The following RARB variants were observed in gnomAD, a reference collection of about 807,000 sequenced individuals.
RARB encodes retinoic acid receptor beta.
Under a neutral mutation model 51.9 loss-of-function variants are expected in RARB, and 17 were observed. The observed-to-expected ratio is 0.33, with a 90% CI of 0.22 to 0.49. RARB has a LOEUF of 0.49. Ranked by LOEUF, RARB falls within the 20% of genes least tolerant of loss-of-function variation. The pLI is 0.99. For missense variants in RARB, 369 were observed against 550.8 expected, an observed-to-expected ratio of 0.67 and a Z score of 3.30; for synonymous variants, 215 against 195.4, an observed-to-expected ratio of 1.10 and a Z score of -0.84.
intron 5 of RARB, among the ~76,000 whole-genome samples, chr3:25,359,618 A>G (rs1445108799): frequency 6.6e-6 from 1 of 152,196 alleles, no homozygotes; most frequent in Non-Finnish European, 1.5e-5. Flanking sequence ...ATTTAGTGCT[A>G]TAAATTTCCC....
At chr3:24,954,663 G>A (rs1028246877) in intron 2 of RARB, among the ~76,000 whole-genome samples, 4 of 152,156 alleles carry the variant, frequency 2.6e-5, no homozygotes, top group Non-Finnish European at 5.9e-5. Flanking sequence ...AATAGAGAGG[G>A]AGAGAAGGGG....
chr3:25,546,306 C>T (rs1237129301), intron 3 of RARB, among the ~76,000 whole-genome samples: 1 of 152,194 alleles, frequency 6.6e-6, no homozygotes, highest in Non-Finnish European at 1.5e-5. Flanking sequence ...AAGAGTGCCA[C>T]ACTGGGGTGA....
At position 25,452,295 on chromosome 3, in the gene RARB, A is replaced by C. The variant is rs57444137; in HGVS notation, c.158-8898A>C. Among the ~76,000 whole-genome samples the C allele has an allele frequency of 1.9e-3, 287 of 152,142 alleles. 3 individuals carry two copies. Among genetic ancestry groups the C allele is most frequent in the African/African-American group, 6.5e-3 (268 of 41,518 alleles). ...CTTGTGGTGAGAACACATATTATCA[A>C]AATGAAATGTTGGTGTTGAACGTGT... On this transcript the variant is annotated intron_variant, in intron 1 of 7. Coordinates refer to ENST00000330688, the MANE Select transcript of RARB (RefSeq NM_000965.5).
At chr3:25,034,264 C>T (rs776045661) in intron 2 of RARB, among the ~76,000 whole-genome samples, 2 of 152,098 alleles carry the variant, frequency 1.3e-5, no homozygotes, top group African/African-American at 2.4e-5. Context: ...GAGTCAAGAT[C>T]GCACCACTGC....
intron 5 of RARB, among the ~76,000 whole-genome samples, chr3:25,315,758 C>T (rs1309084721): frequency 1.3e-5 from 2 of 151,374 alleles, no homozygotes; most frequent in African/African-American, 4.9e-5. Flanking sequence ...GAATTACAGG[C>T]ATGCACCACC....
At chr3:24,945,471 A>G (rs1454223411) in intron 2 of RARB, among the ~76,000 whole-genome samples, 2 of 152,240 alleles carry the variant, frequency 1.3e-5, no homozygotes, top group African/African-American at 4.8e-5. Flanking sequence ...ATGGTTGACT[A>G]GCATATCTTG....
chr3:25,101,607 A>G lies in RARB; in HGVS notation c.-327-30554A>G, dbSNP rs1332130064. On this transcript the variant is annotated intron_variant, in intron 3 of 11. Transcript: ENST00000383772. Reference sequence around the variant, plus strand: ...ACACTGTATTATTTTGTGTAGTTATATCAACATTTATTTAACTATCCTTTT... The same window carrying G: ...ACACTGTATTATTTTGTGTAGTTATGTCAACATTTATTTAACTATCCTTTT... Among the ~76,000 whole-genome samples the G allele has an allele frequency of 2.0e-5, 3 of 151,330 alleles. No homozygotes were observed. The East Asian group carries it at 5.8e-4, about 29-fold the overall frequency.
chr3:25,175,975 A>G (rs1207670824), intron 5 of RARB, among the ~76,000 whole-genome samples: 2 of 152,226 alleles, frequency 1.3e-5, no homozygotes, highest in Non-Finnish European at 1.5e-5. Context: ...TGCAAATGAT[A>G]TAATGAAGTT....
intron 2 of RARB, among the ~76,000 whole-genome samples, chr3:24,966,699 A>T (rs898957554): frequency 3.9e-5 from 6 of 151,938 alleles, no homozygotes; most frequent in African/African-American, 1.5e-4. Flanking sequence ...TGTTTAACAG[A>T]CCAGGGTGTT....
chr3:24,843,710 G>T (rs1425262406), intron 1 of RARB, among the ~76,000 whole-genome samples: 1 of 152,068 alleles, frequency 6.6e-6, no homozygotes, highest in Non-Finnish European at 1.5e-5. Context: ...TGCAGAACTA[G>T]GGCTCAACCC....
chr3:25,502,336 G>A (rs879278768), intron 3 of RARB, among the ~76,000 whole-genome samples: 30 of 152,182 alleles, frequency 2.0e-4, no homozygotes, highest in African/African-American at 6.8e-4. Context: ...ACTGGGAAAC[G>A]TGACCCTTGG....
At chr3:25,382,802 G>C (rs1463168454) in intron 5 of RARB, among the ~76,000 whole-genome samples, 1 of 152,174 alleles carries the variant, frequency 6.6e-6, no homozygotes, top group Non-Finnish European at 1.5e-5. Flanking sequence ...AGGTTGCAGT[G>C]AGCTGAGATC....
chr3:25,386,924 G>T (rs1467027253), intron 5 of RARB, among the ~76,000 whole-genome samples: 1 of 152,188 alleles, frequency 6.6e-6, no homozygotes, highest in Non-Finnish European at 1.5e-5. Flanking sequence ...ATTTCATTCT[G>T]TGGGCGTAGG....
rs958284498 is a variant in RARB, at chr3:25,093,366, C to G, written c.-328+33190C>G. Among the ~76,000 whole-genome samples the G allele has an allele frequency of 2.0e-5, 3 of 152,104 alleles. No homozygotes were observed. In the East Asian group the frequency reaches 5.8e-4, roughly 29 times the overall value. On this transcript the variant is annotated intron_variant, in intron 3 of 11. Transcript: ENST00000383772. ...AACTATAACAGTGAGAAAATTATGG[C>G]AGTGAAAAGATCTGATCTGACCAGT...
At chr3:25,272,741 T>C (rs562526849) in intron 5 of RARB, among the ~76,000 whole-genome samples, 118 of 152,288 alleles carry the variant, frequency 7.7e-4, no homozygotes, top group Non-Finnish European at 9.1e-4. Flanking sequence ...GGCTTCTGTG[T>C]CCCTGGGTCA....
At chr3:24,833,865 A>G (rs976788642) in intron 1 of RARB, among the ~76,000 whole-genome samples, 6 of 152,182 alleles carry the variant, frequency 3.9e-5, no homozygotes, top group African/African-American at 1.2e-4. Context: ...GTTGATAAGT[A>G]TTTTGGACTA....
intron 2 of RARB, among the ~76,000 whole-genome samples, chr3:24,937,187 C>T (rs888869162): frequency 1.3e-5 from 2 of 152,098 alleles, no homozygotes; most frequent in African/African-American, 2.4e-5. Context: ...AAATTAAAGT[C>T]GTGTCTTCTT....
chr3:25,281,052 G>C (rs749048715), intron 5 of RARB, among the ~76,000 whole-genome samples: 1 of 152,160 alleles, frequency 6.6e-6, no homozygotes, highest in African/African-American at 2.4e-5. Flanking sequence ...CTATGAAACT[G>C]CATTTGCATT....
At chr3:25,006,224 TGTTTGA>T (rs1359616003) in intron 2 of RARB, among the ~76,000 whole-genome samples, 1 of 152,192 alleles carries the variant, frequency 6.6e-6, no homozygotes, top group Admixed American at 6.5e-5. Context: ...TAAGCACTGA[TGTTTGA>T]GTTTGTCTAT....
Sources: allele counts gnomAD v4.1 joint callset (sites outside exome capture counted in the v4.1 genomes callset), GRCh38; gene constraint gnomAD v4.1.1; transcripts MANE v1.5; gene names NCBI Gene and HGNC (gene_info 2026-07-23, HGNC 2026-07-21).